Variants in TRIM46 observed in about 807,000 individuals in gnomAD.
TRIM46 encodes tripartite motif containing 46, also known as tripartite motif-containing protein 46.
Under a neutral mutation model 69.7 loss-of-function variants are expected in TRIM46, and 17 were observed. That is an observed-to-expected ratio of 0.24 (90% CI 0.17 to 0.37). The LOEUF (loss-of-function observed/expected upper bound fraction) is 0.37, where lower values mean the gene tolerates loss of function less well. Ranked by LOEUF, TRIM46 falls within the 10% of genes least tolerant of loss-of-function variation. The probability of loss-of-function intolerance (pLI) is 1.00; values close to 1 mark genes in which losing one functional copy is unlikely to be tolerated. For synonymous variants in TRIM46, 391 were observed against 429.0 expected (o/e 0.91, Z 1.09); for missense variants, 675 against 1,025.1 (o/e 0.66, Z 4.66).
At chr1:155,177,436 A>G in intron 5 of TRIM46, 146 bp downstream of exon 5, 1 of 708,672 alleles carries the variant, frequency 1.4e-6, no homozygotes, top group South Asian at 1.6e-5. Context: ...GGTTTGCAGG[A>G]ACACCAGTGC....
chr1:155,177,873 G>A, intron 5 of TRIM46, 129 bp from the exon 6 acceptor site: 4 of 1,348,654 alleles, frequency 3.0e-6, no homozygotes, highest in Non-Finnish European at 4.0e-6. Flanking sequence ...GTAGGAATGG[G>A]TGAGTAGGAT....
In TRIM46 at chr1:155,178,037, G is replaced by A; in HGVS notation, c.945G>A (p.Gln315=). Residue 315 remains glutamine (Q), a synonymous_variant, in exon 6 of 10, where the codon CAG becomes CAA. Transcript: ENST00000334634. The stretch of plus-strand genomic sequence containing the variant: ...AGCAGGCCAAGGAGGAGGTGTCGCA[G>A]CTGGTGCGGGGGCTGGGGGCTGTGC... ...SGQQAKEEVS[Q]LVRGLGAVLE... 6.2e-7 allele frequency: 1 copy of A among 1,613,664 alleles called. No homozygotes were observed. The highest frequency in any genetic ancestry group is 8.5e-7 in the Non-Finnish European group (1 of 1,179,982).
In TRIM46 at chr1:155,182,055, G is replaced by A. The variant is rs536598514; in HGVS notation, c.1792G>A (p.Val598Ile). 4.2e-5 allele frequency: 67 copies of A among 1,614,016 alleles called. 1 individual carries two copies. Among genetic ancestry groups the A allele is most frequent in the Middle Eastern group, 1.6e-4 (1 of 6,062 alleles). ...TQGRSYWACA[V>I]DPASYLVKVG... ...GGGCCGCAGCTACTGGGCCTGCGCCGTAGACCCAGCCTCCTACTTGGTCAA... is the reference window on the plus strand; with the variant it reads ...GGGCCGCAGCTACTGGGCCTGCGCCATAGACCCAGCCTCCTACTTGGTCAA... The change falls in exon 9 of 10, where the codon GTA (valine) becomes ATA (isoleucine). Residue 598 changes from valine to isoleucine, a missense_variant. Val to Ile is a conservative substitution (Grantham distance 29). Coordinates refer to ENST00000334634, the MANE Select transcript of TRIM46 (RefSeq NM_025058.5).
intron 9 of TRIM46, among the ~76,000 whole-genome samples, chr1:155,183,092 A>G (rs1483032183): frequency 6.6e-6 from 1 of 151,768 alleles, no homozygotes; most frequent in Non-Finnish European, 1.5e-5. Flanking sequence ...TTGTATTTTT[A>G]GTAGAGACGG....
Position 155,183,967 on chromosome 1 carries a change from C to G in TRIM46, c.2057C>G (p.Pro686Arg). The G allele has an allele frequency of 6.2e-7, 1 of 1,613,986 alleles. No homozygotes were observed. The highest frequency in any genetic ancestry group is 8.5e-7 in the Non-Finnish European group (1 of 1,180,022). ...GGCCCCACAGCCGGCTGCACAGTGC[C>G]CCTGCCACCCCGCCTGGGCATCTGC... is the stretch of plus-strand genomic sequence containing the variant. ...RDGPTAGCTV[P>R]LPPRLGICLD... The change falls in exon 10 of 10, where the codon CCC (proline) becomes CGC (arginine). Residue 686 changes from proline to arginine, a missense_variant. Coordinates refer to ENST00000334634, the MANE Select transcript of TRIM46 (RefSeq NM_025058.5).
At chr1:155,178,637 G>A (rs1216094096) in intron 7 of TRIM46, 24 bp downstream of exon 7, 9 of 1,609,506 alleles carry the variant, frequency 5.6e-6, no homozygotes, top group Non-Finnish European at 7.6e-6. Context: ...CAGGCCCCAT[G>A]CCCAACCAGA....
chr1:155,178,367 A>T, intron 6 of TRIM46, 112 bp downstream of exon 6: 1 of 1,561,752 alleles, frequency 6.4e-7, no homozygotes, highest in Non-Finnish European at 8.7e-7. Context: ...AAGGATTCTC[A>T]TGAGGCCAAA....
At chr1:155,176,895 C>T (rs746327552) in intron 3 of TRIM46, 37 bp from the exon 4 acceptor site, 2 of 1,604,750 alleles carry the variant, frequency 1.2e-6, no homozygotes, top group Admixed American at 3.3e-5. Context: ...TTACCCACAC[C>T]ATTGTCTGAC....
At chr1:155,180,954 G>T (rs1213674253) in intron 8 of TRIM46, among the ~76,000 whole-genome samples, 1 of 151,990 alleles carries the variant, frequency 6.6e-6, no homozygotes, top group Non-Finnish European at 1.5e-5. Context: ...ATTATTTTTG[G>T]CTGGGCACAG....
intron 1 of TRIM46, among the ~76,000 whole-genome samples, chr1:155,174,335 C>T (rs1239553787): frequency 6.6e-6 from 1 of 152,034 alleles, no homozygotes; most frequent in Non-Finnish European, 1.5e-5. Context: ...GGGGAAAGGC[C>T]CTGTTATGAG....
chr1:155,184,228 G>T lies in TRIM46; in HGVS notation c.*38G>T. 1 of 1,531,768 alleles carries T rather than the reference G, an allele frequency of 6.5e-7. No homozygotes were observed. Among genetic ancestry groups the T allele is most frequent in the Non-Finnish European group, 8.8e-7 (1 of 1,142,576 alleles). The allele number at this position is 1,531,768 out of a possible 1,614,324, so 94.9% of individuals were successfully genotyped here. ...CCTCATGCAGACCTGGGGTCCTCCT[G>T]GGCCCTGGCCCCCAAACCTCTTGGC... On this transcript the variant is annotated 3_prime_UTR_variant, in exon 10 of 10. Coordinates refer to ENST00000334634, the MANE Select transcript of TRIM46 (RefSeq NM_025058.5). The surrounding 1 kb of genome is among the most constrained non-coding windows in gnomAD (Gnocchi z 5.6).
intron 1 of TRIM46, chr1:155,174,759 G>C (rs903502025): frequency 1.3e-5 from 19 of 1,461,118 alleles, no homozygotes; most frequent in African/African-American, 2.9e-5. Context: ...CCGCTAGTTC[G>C]GAGAAGGGGG....
In TRIM46 at chr1:155,184,805, C is replaced by T. The variant is rs1473925095; in HGVS notation, c.*615C>T. ...ATGTGCCAAGTCTCCCTTGGGGACC[C>T]AGCTGAGTCTGGGTGTTCCCATTGG... On this transcript the variant is annotated 3_prime_UTR_variant, in exon 10 of 10. Coordinates refer to ENST00000334634, the MANE Select transcript of TRIM46 (RefSeq NM_025058.5). The surrounding 1 kb of genome is among the most constrained non-coding windows in gnomAD (Gnocchi z 5.6). 1 of 153,556 alleles carries T rather than the reference C, an allele frequency of 6.5e-6. No homozygotes were observed. Among genetic ancestry groups the T allele is most frequent in the African/African-American group, 2.4e-5 (1 of 41,466 alleles). 9.5% of individuals were successfully genotyped at this position (153,556 alleles called of 1,614,324 possible). A position where few individuals can be genotyped will look rare whatever the true frequency, so the allele number is the denominator to read the frequency against.
Position 155,175,188 on chromosome 1 carries a change from C to T in TRIM46, c.64-198C>T, listed in dbSNP as rs1665541117. 2.1e-6 allele frequency: 3 copies of T among 1,447,390 alleles called. No homozygotes were observed. The highest frequency in any genetic ancestry group is 2.9e-5 in the African/African-American group (2 of 69,682). 89.7% of individuals were successfully genotyped at this position (1,447,390 alleles called of 1,614,324 possible). A position where few individuals can be genotyped will look rare whatever the true frequency, so the allele number is the denominator to read the frequency against. ...CCGTCCCTCCTCTGGGCCTTTAGCT[C>T]TGCAGCGGGGAAAGAGAAGCAAGGG... On this transcript the variant is annotated intron_variant, in intron 1 of 9. Transcript: ENST00000334634. This position sits in a 1 kb window ranked among gnomAD's most constrained non-coding sequence, Gnocchi z 4.2.
Position 155,178,550 on chromosome 1 carries a change from C to A in TRIM46, c.1222C>A (p.Arg408Ser). The A allele has an allele frequency of 6.2e-7, 1 of 1,614,136 alleles. No homozygotes were observed. Among genetic ancestry groups the A allele is most frequent in the Non-Finnish European group, 8.5e-7 (1 of 1,180,034 alleles). ...TFRPAASSSF[R>S]HCQLDVGREM... is the part of the protein sequence containing the mutation. ...CCGGCCAGCTGCCAGCTCCTCCTTC[C>A]GCCATTGCCAGCTCGACGTGGGACG... Residue 408 changes from arginine to serine, a missense_variant, in exon 7 of 10, where the codon CGC (arginine) becomes AGC (serine). Around this residue, in one of 5 missense-constraint regions of TRIM46, gnomAD observed 361 missense variants for 498.3 expected, o/e 0.72. Transcript: ENST00000334634.
chr1:155,180,062 G>A, intron 8 of TRIM46, 128 bp downstream of exon 8: 17 of 1,074,932 alleles, frequency 1.6e-5, no homozygotes, highest in Non-Finnish European at 2.2e-5. Context: ...CACTAGCTCT[G>A]GAGCTAGACT....
chr1:155,174,099 C>A, intron 1 of TRIM46, 70 bp downstream of exon 1: 1 of 1,499,506 alleles, frequency 6.7e-7, no homozygotes, highest in Non-Finnish European at 9.1e-7. Flanking sequence ...GGACCTGGAA[C>A]AGGTGGGGAT....
intron 3 of TRIM46, 135 bp from the exon 4 acceptor site, chr1:155,176,797 C>T: frequency 9.1e-7 from 1 of 1,102,672 alleles, no homozygotes; most frequent in Non-Finnish European, 1.3e-6. Context: ...CACCAGGTGG[C>T]ACTGTGGAGC....
rs776212845 is a variant in TRIM46, at chr1:155,177,248, G to A, written c.867G>A (p.Gln289=). ...TYILGNQDTV[Q]TQICELEEAV... is the part of the protein sequence containing the mutation. ...TCCTGGGAAACCAGGACACGGTACAGACCCAGATCTGTGAGCTGGAGGAGG... is the reference window on the plus strand; with the variant it reads ...TCCTGGGAAACCAGGACACGGTACAAACCCAGATCTGTGAGCTGGAGGAGG... The change falls in exon 5 of 10, where the codon CAG becomes CAA. Residue 289 remains glutamine, a synonymous_variant. Transcript: ENST00000334634. 5 of 1,614,152 alleles carry A rather than the reference G, an allele frequency of 3.1e-6. No homozygotes were observed. The highest frequency in any genetic ancestry group is 1.1e-5 in the South Asian group (1 of 91,058).
Sources: allele counts gnomAD v4.1 joint callset (sites outside exome capture counted in the v4.1 genomes callset), GRCh38; gene constraint gnomAD v4.1.1; regional missense constraint gnomAD v4.1.1; non-coding constraint Gnocchi (gnomAD v3.1); transcripts MANE v1.5; gene names NCBI Gene and HGNC (gene_info 2026-07-23, HGNC 2026-07-21).